The following LRP1B variants were observed in gnomAD, a reference collection of about 807,000 sequenced individuals.
The protein encoded by LRP1B is LDL receptor related protein 1B.
A neutral mutation model predicts 556.6 loss-of-function variants in LRP1B; 217 were observed. The ratio of observed to expected loss-of-function variants is 0.39; its 90% CI spans 0.35 to 0.44. LRP1B has a LOEUF of 0.44. Among genes scored for constraint, LRP1B ranks in the 20% least tolerant of loss-of-function variants. LRP1B has a pLI of 1.00. For synonymous variants in LRP1B, 2,047 were observed against 1,865.8 expected (o/e 1.10, Z -2.50); for missense variants, 5,053 against 5,620.8 (o/e 0.90, Z 3.23).
intron 77 of LRP1B, among the ~76,000 whole-genome samples, chr2:140,341,366 G>C (rs1681381171): frequency 6.6e-6 from 1 of 151,376 alleles, no homozygotes; most frequent in South Asian, 2.1e-4. Flanking sequence ...CACCTTGTAG[G>C]CTACTTTCTA....
At chr2:141,229,814 GTTTT>G (rs1168785927) in intron 5 of LRP1B, among the ~76,000 whole-genome samples, 1 of 152,102 alleles carries the variant, frequency 6.6e-6, no homozygotes, top group Non-Finnish European at 1.5e-5. Flanking sequence ...GCAAGGTAAT[GTTTT>G]TTTGAGTCGA....
At chr2:141,907,603 A>T (rs1232162989) in intron 1 of LRP1B, among the ~76,000 whole-genome samples, 1 of 151,978 alleles carries the variant, frequency 6.6e-6, no homozygotes, top group African/African-American at 2.4e-5. Flanking sequence ...GTCACCTAAG[A>T]GAAGCAGGGA....
intron 78 of LRP1B, 148 bp from the exon 79 acceptor site, chr2:140,334,707 G>T: frequency 2.1e-6 from 1 of 479,770 alleles, no homozygotes. Context: ...CACAGAATGA[G>T]AACCTCCAAT....
At chr2:141,383,297 A>G (rs1254974897) in intron 3 of LRP1B, among the ~76,000 whole-genome samples, 1 of 152,176 alleles carries the variant, frequency 6.6e-6, no homozygotes, top group African/African-American at 2.4e-5. Flanking sequence ...GGAAAACAGT[A>G]TAGAGGCTCC....
chr2:141,571,826 TATC>T lies in LRP1B; in HGVS notation c.206-91296_206-91294del, dbSNP rs1686541964. Among the ~76,000 whole-genome samples the T allele has an allele frequency of 5.3e-5, 8 of 152,090 alleles. No individual in the cohort carries two copies. The South Asian group carries it at 1.7e-3, about 32-fold the overall frequency. ...CAAATCAACCAAGCAGAAAAAAAGA[TATC>T]ATAGCCTGAAGACCACCTTGCTGAA... On this transcript the variant is annotated intron_variant, in intron 2 of 90. Transcript: ENST00000389484.
chr2:140,791,084 T>C (rs1157972510), intron 32 of LRP1B, among the ~76,000 whole-genome samples: 1 of 151,858 alleles, frequency 6.6e-6, no homozygotes, highest in African/African-American at 2.4e-5. Context: ...TGAAACCCTA[T>C]CTCTACTAAA....
At chr2:140,481,567 T>C (rs1413144517) in intron 59 of LRP1B, among the ~76,000 whole-genome samples, 1 of 145,412 alleles carries the variant, frequency 6.9e-6, no homozygotes. Flanking sequence ...GCTATAGAAA[T>C]GGTAGCCATC....
intron 2 of LRP1B, among the ~76,000 whole-genome samples, chr2:141,620,280 A>C (rs1307427197): frequency 6.6e-6 from 1 of 152,250 alleles, no homozygotes; most frequent in Non-Finnish European, 1.5e-5. Context: ...TTGTATATTC[A>C]TAAAAGGGTT....
At chr2:140,251,377 G>C (rs536288909) in intron 86 of LRP1B, among the ~76,000 whole-genome samples, 36 of 151,848 alleles carry the variant, frequency 2.4e-4, no homozygotes, top group Non-Finnish European at 1.9e-4. Context: ...AAAATCTTCA[G>C]ATATTGTCCT....
At chr2:140,378,893 C>T (rs140236762) in intron 67 of LRP1B, among the ~76,000 whole-genome samples, 1 of 152,124 alleles carries the variant, frequency 6.6e-6, no homozygotes, top group Non-Finnish European at 1.5e-5. Context: ...GTTTATTGTG[C>T]CCTATATCAC....
At chr2:141,669,587 C>G (rs1035118935) in intron 2 of LRP1B, among the ~76,000 whole-genome samples, 7 of 152,022 alleles carry the variant, frequency 4.6e-5, no homozygotes, top group African/African-American at 1.7e-4. Flanking sequence ...CCTTTCATTG[C>G]AATTATTTAT....
intron 21 of LRP1B, among the ~76,000 whole-genome samples, chr2:140,913,281 C>T: frequency 6.6e-6 from 1 of 151,700 alleles, no homozygotes. Context: ...AAATTCCTGA[C>T]CTTGTGGAGC....
At chr2:141,550,494 T>C (rs917617048) in intron 2 of LRP1B, among the ~76,000 whole-genome samples, 2 of 152,156 alleles carry the variant, frequency 1.3e-5, no homozygotes, top group African/African-American at 4.8e-5. Flanking sequence ...CAATAACTTA[T>C]AGAGAGTGCT....
At chr2:141,891,074 C>T (rs1699276241) in intron 1 of LRP1B, among the ~76,000 whole-genome samples, 1 of 152,096 alleles carries the variant, frequency 6.6e-6, no homozygotes, top group African/African-American at 2.4e-5. Context: ...GAGATCTAAC[C>T]TTCTCCACTT....
At chr2:141,003,676 T>C (rs1166304699) in intron 15 of LRP1B, among the ~76,000 whole-genome samples, 3 of 152,072 alleles carry the variant, frequency 2.0e-5, no homozygotes, top group Non-Finnish European at 2.9e-5. Context: ...CTGAACTATG[T>C]AAGCCCATTA....
intron 1 of LRP1B, among the ~76,000 whole-genome samples, chr2:142,107,794 A>ATTTTT (rs67962280): frequency 2.8e-4 from 31 of 110,538 alleles, no homozygotes; most frequent in East Asian, 5.3e-4. Flanking sequence ...CGCCTAGCTA[A>ATTTTT]TTTTTTTTTT....
intron 24 of LRP1B, among the ~76,000 whole-genome samples, chr2:140,884,246 A>G (rs1693564547): frequency 6.6e-6 from 1 of 152,202 alleles, no homozygotes; most frequent in Non-Finnish European, 1.5e-5. Flanking sequence ...TCCTTTTGGT[A>G]TCAGTGGAAT....
chr2:141,504,619 C>T (rs539657662), intron 2 of LRP1B, among the ~76,000 whole-genome samples: 1 of 152,144 alleles, frequency 6.6e-6, no homozygotes, highest in South Asian at 2.1e-4. Flanking sequence ...AAGAAATCTA[C>T]AATGTGGGTG....
intron 47 of LRP1B, among the ~76,000 whole-genome samples, chr2:140,532,772 T>C (rs1690756889): frequency 6.6e-6 from 1 of 151,884 alleles, no homozygotes; most frequent in African/African-American, 2.4e-5. Flanking sequence ...TGGTAGTCCC[T>C]CTACTTGGAA....
Sources: gnomAD v4.1 joint callset for allele counts (sites outside exome capture counted in the v4.1 genomes callset) on GRCh38, gnomAD v4.1.1 for gene constraint, MANE v1.5 for transcripts, NCBI Gene and HGNC (gene_info 2026-07-23, HGNC 2026-07-21) for gene names.